The following CUL5 variants were observed in gnomAD, a reference collection of about 807,000 sequenced individuals.
CUL5 encodes cullin 5.
CUL5 carries 26 observed loss-of-function variants against 108.8 expected under a neutral mutation model. The observed-to-expected ratio is 0.24, with a 90% CI of 0.18 to 0.33. The LOEUF (loss-of-function observed/expected upper bound fraction) is 0.33, where lower values mean the gene tolerates loss of function less well. Ranked by LOEUF, CUL5 falls within the 10% of genes least tolerant of loss-of-function variation. The pLI is 1.00. For synonymous variants in CUL5, 334 were observed against 298.0 expected (o/e 1.12, Z -1.25); for missense variants, 524 against 909.2 (o/e 0.58, Z 5.45).
intron 11 of CUL5, among the ~76,000 whole-genome samples, chr11:108,084,533 A>G (rs1203134403): frequency 6.6e-6 from 1 of 152,240 alleles, no homozygotes; most frequent in African/African-American, 2.4e-5. Context: ...ATTCCCTTTC[A>G]TAGCAAAGGA....
rs1431130469 is a variant in CUL5, at chr11:108,054,863, G to C, written c.700-12G>C. The stretch of plus-strand genomic sequence containing the variant: ...ATATTCTTAAAATGATTGCTATTTT[G>C]CTTCTGGACAGGCAGATGCTAAATT... On this transcript the variant is annotated splice_polypyrimidine_tract_variant and intron_variant, in intron 6 of 18. Coordinates refer to ENST00000393094, the MANE Select transcript of CUL5 (RefSeq NM_003478.6). 6.2e-7 allele frequency: 1 copy of C among 1,604,626 alleles called. No individual in the cohort carries two copies. Among genetic ancestry groups the C allele is most frequent in the Admixed American group, 1.7e-5 (1 of 57,502 alleles).
intron 1 of CUL5, among the ~76,000 whole-genome samples, chr11:108,020,701 T>A (rs1862307981): frequency 6.6e-6 from 1 of 152,172 alleles, no homozygotes; most frequent in African/African-American, 2.4e-5. Flanking sequence ...TGTTTCACGA[T>A]AAGTGTTATT....
At chr11:108,053,683 T>C (rs1863297650) in intron 5 of CUL5, among the ~76,000 whole-genome samples, 1 of 151,558 alleles carries the variant, frequency 6.6e-6, no homozygotes. Flanking sequence ...CCATGCTTTT[T>C]TTTTTTTTTT....
intron 1 of CUL5, among the ~76,000 whole-genome samples, chr11:108,020,493 A>G (rs1862301601): frequency 6.6e-6 from 1 of 152,092 alleles, no homozygotes; most frequent in African/African-American, 2.4e-5. Context: ...GAATAAGGAT[A>G]TAAAGAAAGT....
intron 1 of CUL5, among the ~76,000 whole-genome samples, chr11:108,023,984 C>A (rs939187846): frequency 6.6e-6 from 1 of 152,104 alleles, no homozygotes; most frequent in African/African-American, 2.4e-5. Context: ...ATGTTTCCGC[C>A]GTATGGTTTC....
chr11:108,097,650 C>T lies in CUL5; in HGVS notation c.1920C>T (p.Phe640=), dbSNP rs749589203. Residue 640 remains phenylalanine, a synonymous_variant, in exon 17 of 19, where the codon TTC becomes TTT. Transcript: ENST00000393094. ...ATTCTTCATAGTCTTTAGTAGCTTTCCCAAAACTCAAACGGCAAGTTTTGT... is the reference window on the plus strand; with the variant it reads ...ATTCTTCATAGTCTTTAGTAGCTTTTCCAAAACTCAAACGGCAAGTTTTGT... ...LRRTLWSLVA[F]PKLKRQVLLY... The T allele has an allele frequency of 2.5e-6, 4 of 1,609,496 alleles. No homozygotes were observed. Among genetic ancestry groups the T allele is most frequent in the Admixed American group, 3.3e-5 (2 of 59,942 alleles).
At chr11:108,060,415 G>A (rs1295019130) in intron 7 of CUL5, among the ~76,000 whole-genome samples, 1 of 152,148 alleles carries the variant, frequency 6.6e-6, no homozygotes, top group East Asian at 1.9e-4. Context: ...CAACTCTTAC[G>A]TTGTAGCTGA....
chr11:108,057,075 C>T lies in CUL5; in HGVS notation c.780+2120C>T, dbSNP rs144631477. ...GTGAAATTGTTCTGATCTCCTACTG[C>T]AATTTGTATGTTAGTCATATCATAG... On this transcript the variant is annotated intron_variant, in intron 7 of 18. Transcript: ENST00000393094. 5.6e-3 allele frequency among the ~76,000 whole-genome samples: 846 copies of T among 152,258 alleles called. 8 individuals are homozygous for T. Among genetic ancestry groups the T allele is most frequent in the African/African-American group, 0.019 (803 of 41,542 alleles).
chr11:108,028,944 C>T (rs1426376134), intron 1 of CUL5, among the ~76,000 whole-genome samples: 1 of 152,222 alleles, frequency 6.6e-6, no homozygotes, highest in African/African-American at 2.4e-5. Flanking sequence ...CCTACAAGAT[C>T]CAGCTCAGTA....
intron 1 of CUL5, among the ~76,000 whole-genome samples, chr11:108,011,686 G>C (rs1269361774): frequency 2.0e-5 from 3 of 151,718 alleles, no homozygotes; most frequent in African/African-American, 7.3e-5. Flanking sequence ...GGAGTTCAGT[G>C]GTGCGATCTT....
intron 10 of CUL5, among the ~76,000 whole-genome samples, chr11:108,077,530 T>C (rs1325732698): frequency 6.6e-6 from 1 of 151,676 alleles, no homozygotes; most frequent in African/African-American, 2.4e-5. Context: ...CTCAGGAGGC[T>C]GAGGCAGGAG....
chr11:108,066,950 T>C (rs1366175712), intron 7 of CUL5, among the ~76,000 whole-genome samples: 3 of 152,262 alleles, frequency 2.0e-5, no homozygotes, highest in African/African-American at 7.2e-5. Flanking sequence ...TATACTTCTC[T>C]ATTCCTTAAA....
intron 1 of CUL5, among the ~76,000 whole-genome samples, chr11:108,019,993 G>T (rs1339634190): frequency 6.6e-6 from 1 of 151,918 alleles, no homozygotes; most frequent in Admixed American, 6.6e-5. Context: ...CCAACTCTCA[G>T]GGAACTAACA....
intron 12 of CUL5, 36 bp from the exon 13 acceptor site, chr11:108,089,456 A>T (rs1257917404): frequency 6.8e-7 from 1 of 1,466,610 alleles, no homozygotes; most frequent in Non-Finnish European, 9.2e-7. Context: ...TGGTAAGAGT[A>T]TATAAGAACT....
At chr11:108,089,298 G>C (rs1333361206) in intron 12 of CUL5, among the ~76,000 whole-genome samples, 194 bp from the exon 13 acceptor site, 2 of 152,142 alleles carry the variant, frequency 1.3e-5, no homozygotes, top group Admixed American at 1.3e-4. Context: ...TTTGGTTATA[G>C]TCTCAGTTTT....
At chr11:108,020,910 C>T (rs996218811) in intron 1 of CUL5, among the ~76,000 whole-genome samples, 4 of 152,216 alleles carry the variant, frequency 2.6e-5, no homozygotes, top group Non-Finnish European at 5.9e-5. Context: ...AGAGCATCTT[C>T]CAGTCCTGCA....
chr11:108,031,849 A>G (rs1862592211), intron 1 of CUL5, among the ~76,000 whole-genome samples: 1 of 152,234 alleles, frequency 6.6e-6, no homozygotes, highest in South Asian at 2.1e-4. Flanking sequence ...ATAAAAAAGA[A>G]CAAGATCATG....
intron 1 of CUL5, among the ~76,000 whole-genome samples, chr11:108,011,628 ATT>A (rs1282039694): frequency 2.7e-5 from 4 of 145,774 alleles, no homozygotes; most frequent in Non-Finnish European, 4.6e-5. Flanking sequence ...TTTCTTTTTA[ATT>A]TTTTTTTTTT....
intron 2 of CUL5, among the ~76,000 whole-genome samples, chr11:108,044,259 A>C (rs1396442703): frequency 6.6e-6 from 1 of 152,094 alleles, no homozygotes; most frequent in Admixed American, 6.6e-5. Flanking sequence ...GCTCATGCCT[A>C]TATGCTGGCC....
Sources: allele counts gnomAD v4.1 joint callset (sites outside exome capture counted in the v4.1 genomes callset), GRCh38; gene constraint gnomAD v4.1.1; transcripts MANE v1.5; gene names NCBI Gene and HGNC (gene_info 2026-07-23, HGNC 2026-07-21).